Variants in KANK1 observed in about 807,000 individuals in gnomAD.
KANK1 encodes KN motif and ankyrin repeat domains 1, also known as KN motif and ankyrin repeat domain-containing protein 1.
KANK1 carries 109 observed loss-of-function variants against 106.2 expected under a neutral mutation model. That is an observed-to-expected ratio of 1.03 (90% confidence interval 0.88 to 1.20). The LOEUF is 1.20. Among genes scored for constraint, KANK1 ranks in the 50% most tolerant of loss-of-function variants. The probability of loss-of-function intolerance (pLI) is 0.00; values close to 1 mark genes in which losing one functional copy is unlikely to be tolerated. For synonymous variants in KANK1, 873 were observed against 652.2 expected, an observed-to-expected ratio of 1.34 and a Z score of -5.16; for missense variants, 2,399 against 1,710.7, an observed-to-expected ratio of 1.40 and a Z score of -7.10.
intron 10 of KANK1, 63 bp downstream of exon 10, chr9:742,468 G>C: frequency 7.2e-7 from 1 of 1,391,198 alleles, no homozygotes; most frequent in South Asian, 1.3e-5. Flanking sequence ...GGAGCTCTGG[G>C]AGTGCCTTTT....
chr9:692,182 C>G (rs888450810), intron 2 of KANK1, among the ~76,000 whole-genome samples: 1 of 152,212 alleles, frequency 6.6e-6, no homozygotes, highest in Admixed American at 6.5e-5. Context: ...GGTGCCTGCA[C>G]ATGCCCTGCC....
chr9:558,950 G>A (rs1048733369), intron 1 of KANK1: 1 of 152,268 alleles, frequency 6.6e-6, no homozygotes, highest in South Asian at 2.1e-4. Context: ...AAAAATTTTG[G>A]TTCTCTCCAC....
intron 1 of KANK1, among the ~76,000 whole-genome samples, chr9:670,390 T>C (rs1381262764): frequency 1.3e-5 from 2 of 152,346 alleles, no homozygotes; most frequent in East Asian, 3.9e-4. Context: ...GTAATTTAGC[T>C]GTTGAATTTC....
intron 1 of KANK1, among the ~76,000 whole-genome samples, chr9:667,358 T>TA (rs1227345469): frequency 2.0e-5 from 3 of 152,174 alleles, no homozygotes; most frequent in South Asian, 4.1e-4. Flanking sequence ...TTTTTTTAAC[T>TA]AAACTTTTGT....
chr9:515,072 A>T (rs776756517), intron 1 of KANK1, among the ~76,000 whole-genome samples: 5 of 151,848 alleles, frequency 3.3e-5, no homozygotes, highest in Non-Finnish European at 7.3e-5. Context: ...GACCGGGTGC[A>T]GTGGCTCACG....
intron 1 of KANK1, among the ~76,000 whole-genome samples, chr9:548,827 C>T (rs949692576): frequency 3.3e-5 from 5 of 151,992 alleles, no homozygotes; most frequent in East Asian, 1.9e-4. Flanking sequence ...ACCTGTAATC[C>T]CAGCACTTTG....
At chr9:696,304 T>G (rs1055253116) in intron 2 of KANK1, among the ~76,000 whole-genome samples, 10 of 151,054 alleles carry the variant, frequency 6.6e-5, no homozygotes, top group African/African-American at 2.4e-4. Flanking sequence ...AAAAAACTGC[T>G]TGACTTCTGC....
chr9:587,093 C>T (rs1428997014), intron 1 of KANK1, among the ~76,000 whole-genome samples: 2 of 152,140 alleles, frequency 1.3e-5, no homozygotes, highest in African/African-American at 2.4e-5. Context: ...AAATTGTCCA[C>T]GGAGTTGAAA....
intron 1 of KANK1, among the ~76,000 whole-genome samples, chr9:601,080 C>T (rs1251192859): frequency 6.6e-6 from 1 of 151,690 alleles, no homozygotes; most frequent in African/African-American, 2.4e-5. Context: ...AGAGTAACCA[C>T]AGTTGCTTTC....
intron 1 of KANK1, among the ~76,000 whole-genome samples, chr9:541,219 G>A (rs1307861978): frequency 1.3e-5 from 2 of 152,260 alleles, no homozygotes; most frequent in East Asian, 1.9e-4. Context: ...TAGTAGTGGT[G>A]TAGAAACAGA....
rs150062985 is a variant in KANK1 at position 606,642 on chromosome 9, C to CAT, written c.-83-70237_-83-70236dup. 1.4e-3 allele frequency among the ~76,000 whole-genome samples: 92 copies of CAT among 66,684 alleles called. 1 individual carries two copies. Among genetic ancestry groups the CAT allele is most frequent in the Admixed American group, 2.2e-3 (16 of 7,288 alleles). The allele number at this position is 66,684 out of a possible 152,430, so 43.7% of individuals were successfully genotyped here. A position where few individuals can be genotyped will look rare whatever the true frequency, so the allele number is the denominator to read the frequency against. On this transcript the variant is annotated intron_variant, in intron 1 of 11. Coordinates refer to ENST00000382297, the MANE Select transcript of KANK1 (RefSeq NM_015158.5). Reference sequence around the variant, plus strand: ...TATATTTATATATTTATATATATTACATATATATATATGTTTAGAAAATAA... The same window carrying CAT: ...TATATTTATATATTTATATATATTACATATATATATATATGTTTAGAAAATAA...
intron 11 of KANK1, 196 bp from the exon 12 acceptor site, chr9:744,977 C>T (rs1836810921): frequency 6.7e-7 from 1 of 1,482,598 alleles, no homozygotes. Flanking sequence ...CTTCCCAGGA[C>T]AGCCGGACAT....
intron 6 of KANK1, chr9:733,185 G>A (rs1832786293): frequency 6.6e-6 from 1 of 152,232 alleles, no homozygotes; most frequent in African/African-American, 2.4e-5. Flanking sequence ...GCTGAAATAT[G>A]TGCCTCAGAA....
At chr9:606,394 TA>T (rs1829169447) in intron 1 of KANK1, among the ~76,000 whole-genome samples, 1 of 141,456 alleles carries the variant, frequency 7.1e-6, no homozygotes, top group African/African-American at 3.1e-5. Context: ...CCGTCTCTAC[TA>T]AAAATACAAA....
intron 1 of KANK1, among the ~76,000 whole-genome samples, chr9:534,874 A>G (rs1163144117): frequency 1.3e-5 from 2 of 152,232 alleles, no homozygotes; most frequent in Non-Finnish European, 2.9e-5. Flanking sequence ...TGTGGGAACA[A>G]TTAGTCTTTT....
intron 3 of KANK1, among the ~76,000 whole-genome samples, chr9:479,941 T>C (rs1223434125): frequency 6.6e-6 from 1 of 152,256 alleles, no homozygotes; most frequent in African/African-American, 2.4e-5. Flanking sequence ...AGATGGCCTT[T>C]CATATGGAAA....
At position 616,790 on chromosome 9, in the gene KANK1, C is replaced by T. The variant is rs138584325; in HGVS notation, c.-83-60100C>T. On this transcript the variant is annotated intron_variant, in intron 1 of 11. Coordinates refer to ENST00000382297, the MANE Select transcript of KANK1 (RefSeq NM_015158.5). ...GTGATGGAGCAGCCTCTGCTTATGTCGCTGCTGTTCTTTATAGCAGAGGAA... is the reference window on the plus strand; with the variant it reads ...GTGATGGAGCAGCCTCTGCTTATGTTGCTGCTGTTCTTTATAGCAGAGGAA... 4.8e-3 allele frequency among the ~76,000 whole-genome samples: 732 copies of T among 152,292 alleles called. 15 individuals are homozygous for T. Among genetic ancestry groups the T allele is most frequent in the African/African-American group, 0.016 (680 of 41,544 alleles).
At chr9:707,258 T>G in intron 2 of KANK1, 2 of 984,504 alleles carry the variant, frequency 2.0e-6, no homozygotes, top group Non-Finnish European at 1.2e-6. Context: ...GTAGGTGAGC[T>G]GCGAGCGGCG....
intron 1 of KANK1, among the ~76,000 whole-genome samples, chr9:555,081 G>A (rs2061499898): frequency 6.6e-6 from 1 of 152,186 alleles, no homozygotes; most frequent in African/African-American, 2.4e-5. Flanking sequence ...TGTTTCTGCT[G>A]CTGGCCTAGC....
Sources: allele counts gnomAD v4.1 joint callset (sites outside exome capture counted in the v4.1 genomes callset), GRCh38; gene constraint gnomAD v4.1.1; transcripts MANE v1.5; gene names NCBI Gene and HGNC (gene_info 2026-07-23, HGNC 2026-07-21).